The following CERS6 variants were observed in gnomAD, a reference collection of about 807,000 sequenced individuals.
CERS6 encodes LAG1 homolog, ceramide synthase 6.
CERS6 carries 26 observed loss-of-function variants against 56.8 expected under a neutral mutation model. The observed-to-expected ratio is 0.46, with a 90% CI of 0.34 to 0.63. The LOEUF is 0.63. CERS6 is among the 30% of genes least tolerant of loss of function. The pLI is 0.01. For synonymous variants in CERS6, 164 were observed against 173.3 expected (o/e 0.95, Z 0.42); for missense variants, 415 against 467.5 (o/e 0.89, Z 1.04).
chr2:168,615,557 G>A (rs930528196), intron 3 of CERS6, among the ~76,000 whole-genome samples: 7 of 147,642 alleles, frequency 4.7e-5, no homozygotes, highest in Admixed American at 7.2e-5. Flanking sequence ...CTGGATGCAC[G>A]AAAGAAATGC....
intron 4 of CERS6, among the ~76,000 whole-genome samples, chr2:168,640,101 A>G (rs770747536): frequency 2.0e-5 from 3 of 152,170 alleles, no homozygotes; most frequent in African/African-American, 7.2e-5. Flanking sequence ...AAATTAATCT[A>G]TATTGATAGA....
At chr2:168,469,076 T>C (rs892346818) in intron 1 of CERS6, among the ~76,000 whole-genome samples, 10 of 152,216 alleles carry the variant, frequency 6.6e-5, no homozygotes. Flanking sequence ...CTAGTGACAT[T>C]GGGATCACAT....
chr2:168,517,080 G>A (rs1488271706), intron 1 of CERS6, among the ~76,000 whole-genome samples: 3 of 152,044 alleles, frequency 2.0e-5, no homozygotes, highest in Non-Finnish European at 4.4e-5. Context: ...ACCTGATTTG[G>A]AAGAGTCTTA....
At chr2:168,500,554 T>A (rs1399350986) in intron 1 of CERS6, among the ~76,000 whole-genome samples, 1 of 152,210 alleles carries the variant, frequency 6.6e-6, no homozygotes, top group Non-Finnish European at 1.5e-5. Context: ...AACCAGAGAA[T>A]TATCATGCTA....
In CERS6 at chr2:168,493,515, G is replaced by A. The variant is rs570544060; in HGVS notation, c.170+36897G>A. Among the ~76,000 whole-genome samples, 15 of 152,314 alleles carry A rather than the reference G, an allele frequency of 9.8e-5. No individual in the cohort carries two copies. The East Asian group carries it at 2.7e-3, about 27-fold the overall frequency. Reference sequence around the variant, plus strand: ...CGCTCTATAAAAGGCACAGAGCTAAGCACTGGGAATCTACCAGGGAGCAAG... The same window carrying A: ...CGCTCTATAAAAGGCACAGAGCTAAACACTGGGAATCTACCAGGGAGCAAG... On this transcript the variant is annotated intron_variant, in intron 1 of 9. Transcript: ENST00000305747.
At chr2:168,529,004 G>T (rs1246556571) in intron 1 of CERS6, among the ~76,000 whole-genome samples, 2 of 152,158 alleles carry the variant, frequency 1.3e-5, no homozygotes, top group African/African-American at 4.8e-5. Flanking sequence ...GGACCATAGG[G>T]GTTGTTAAGT....
At chr2:168,625,850 C>T (rs781405645) in intron 3 of CERS6, among the ~76,000 whole-genome samples, 25 of 152,110 alleles carry the variant, frequency 1.6e-4, no homozygotes, top group Non-Finnish European at 3.2e-4. Context: ...AGCGTCTTTT[C>T]GGTGCTCTTC....
At chr2:168,600,867 A>T (rs1040147006) in intron 3 of CERS6, among the ~76,000 whole-genome samples, 5 of 152,244 alleles carry the variant, frequency 3.3e-5, no homozygotes, top group Admixed American at 1.3e-4. Flanking sequence ...GTGGTAGCCA[A>T]GTCTAGTTCC....
intron 4 of CERS6, among the ~76,000 whole-genome samples, chr2:168,665,952 C>CTCTGTGTG (rs1326251557): frequency 1.4e-5 from 2 of 143,198 alleles, no homozygotes; most frequent in African/African-American, 2.7e-5. Context: ...AATTAGTAGA[C>CTCTGTGTG]TGTGTGTGTG....
At position 168,691,090 on chromosome 2, in the gene CERS6, G is replaced by C; in HGVS notation, c.516+6G>C. The C allele has an allele frequency of 6.2e-7, 1 of 1,612,516 alleles. No individual in the cohort carries two copies. The highest frequency in any genetic ancestry group is 8.5e-7 in the Non-Finnish European group (1 of 1,178,752). On this transcript the variant is annotated splice_donor_region_variant and intron_variant, in intron 5 of 9. Transcript: ENST00000305747. Reference sequence around the variant, plus strand: ...GGTACAACTACCCCTATCAGGTAAGGAGGCATTATTGTCTGGGTTTTTACA... The same window carrying C: ...GGTACAACTACCCCTATCAGGTAAGCAGGCATTATTGTCTGGGTTTTTACA...
At chr2:168,532,331 C>T in intron 1 of CERS6, among the ~76,000 whole-genome samples, 1 of 151,624 alleles carries the variant, frequency 6.6e-6, no homozygotes, top group Admixed American at 6.6e-5. Flanking sequence ...GTCTCCAGGC[C>T]CAGGAAGAAG....
At chr2:168,619,580 T>C (rs1374520552) in intron 3 of CERS6, among the ~76,000 whole-genome samples, 2 of 151,856 alleles carry the variant, frequency 1.3e-5, no homozygotes, top group Admixed American at 6.6e-5. Context: ...AAAGAAGATA[T>C]ACAAATGGCC....
At chr2:168,708,110 C>T (rs1459979384) in intron 6 of CERS6, among the ~76,000 whole-genome samples, 1 of 152,082 alleles carries the variant, frequency 6.6e-6, no homozygotes, top group African/African-American at 2.4e-5. Flanking sequence ...TTACCCATCT[C>T]CAAAGGCTGA....
intron 2 of CERS6, among the ~76,000 whole-genome samples, chr2:168,548,441 A>G (rs1005168917): frequency 6.6e-6 from 1 of 152,240 alleles, no homozygotes; most frequent in Non-Finnish European, 1.5e-5. Flanking sequence ...GTTGAAGGCC[A>G]TAGGAAAATA....
chr2:168,586,984 A>G (rs991820591), intron 3 of CERS6, among the ~76,000 whole-genome samples: 8 of 152,148 alleles, frequency 5.3e-5, no homozygotes, highest in Non-Finnish European at 1.0e-4. Context: ...CAGCCTGGCC[A>G]ACATGGTGAA....
At position 168,771,182 on chromosome 2, in the gene CERS6, G is replaced by A. The variant is rs566580057; in HGVS notation, c.*1520G>A. ...AAGACAACAGCAGAAATGCTAACAA[G>A]CGTGCAGAAACACCAGAGAGTGCGT... On this transcript the variant is annotated 3_prime_UTR_variant, in exon 10 of 10. Coordinates refer to ENST00000305747, the MANE Select transcript of CERS6 (RefSeq NM_203463.3). 26 of 151,844 alleles carry A rather than the reference G, an allele frequency of 1.7e-4. 1 individual carries two copies. The highest frequency in any genetic ancestry group is 5.8e-4 in the African/African-American group (24 of 41,236). The allele number at this position is 151,844 out of a possible 1,614,324, so 9.4% of individuals were successfully genotyped here.
At chr2:168,491,730 C>T (rs569369475) in intron 1 of CERS6, among the ~76,000 whole-genome samples, 9 of 152,094 alleles carry the variant, frequency 5.9e-5, no homozygotes, top group African/African-American at 2.2e-4. Context: ...TTGCTGCACC[C>T]ATCAACTCAT....
intron 4 of CERS6, among the ~76,000 whole-genome samples, chr2:168,643,445 A>G (rs753053692): frequency 1.3e-5 from 2 of 152,122 alleles, no homozygotes; most frequent in Non-Finnish European, 2.9e-5. Flanking sequence ...GGACTCCTCT[A>G]GTTGATTTCT....
At chr2:168,740,205 C>T (rs1683853669) in intron 8 of CERS6, among the ~76,000 whole-genome samples, 1 of 152,094 alleles carries the variant, frequency 6.6e-6, no homozygotes. Context: ...GCACTTCACA[C>T]AAAGTTGTTA....
Sources: gnomAD v4.1 joint callset for allele counts (sites outside exome capture counted in the v4.1 genomes callset) on GRCh38, gnomAD v4.1.1 for gene constraint, MANE v1.5 for transcripts, NCBI Gene and HGNC (gene_info 2026-07-23, HGNC 2026-07-21) for gene names.